UNC79: variants seen among roughly 807,000 people sequenced by gnomAD.
The protein encoded by UNC79 is protein unc-79 homolog.
In UNC79, 37 loss-of-function variants were observed where a neutral mutation model predicts 283.1. That is an observed-to-expected ratio of 0.13 (90% CI 0.10 to 0.17). UNC79 has a LOEUF of 0.17. Ranked by LOEUF, UNC79 falls within the 10% of genes least tolerant of loss-of-function variation. UNC79 has a pLI of 1.00. For missense variants in UNC79, 2,272 were observed against 3,211.1 expected, an observed-to-expected ratio of 0.71 and a Z score of 7.07; for synonymous variants, 1,107 against 1,200.2, an observed-to-expected ratio of 0.92 and a Z score of 1.61.
chr14:93,413,914 AT>A (rs2055394588), intron 1 of UNC79, among the ~76,000 whole-genome samples: 1 of 93,158 alleles, frequency 1.1e-5, no homozygotes, highest in Non-Finnish European at 2.4e-5. Context: ...TTCATTGTAG[AT>A]TCTGGATATT....
intron 16 of UNC79, 109 bp downstream of exon 16, chr14:93,572,925 A>G (rs184039037): frequency 0.01 from 14,528 of 1,416,974 alleles, 85 homozygotes; most frequent in Non-Finnish European, 0.011. Flanking sequence ...GTAAGTCCCC[A>G]TGTTTGCCAA....
intron 1 of UNC79, among the ~76,000 whole-genome samples, chr14:93,377,646 A>C (rs1007899021): frequency 6.6e-6 from 1 of 152,222 alleles, no homozygotes; most frequent in African/African-American, 2.4e-5. Flanking sequence ...CACATTTTGA[A>C]ATCCTATAAC....
chr14:93,484,250 A>C (rs1231955026), intron 4 of UNC79, among the ~76,000 whole-genome samples: 1 of 152,218 alleles, frequency 6.6e-6, no homozygotes, highest in Non-Finnish European at 1.5e-5. Context: ...CCCAGGACCT[A>C]GAACAATGTT....
rs367888563 is a variant in UNC79, at chr14:93,366,675, C to T, written c.-351+33152C>T. Among the ~76,000 whole-genome samples, 8 of 151,440 alleles carry T rather than the reference C, an allele frequency of 5.3e-5. No homozygotes were observed. In the East Asian group the frequency reaches 1.4e-3, roughly 26 times the overall value. ...GCAACCTCTGCCTCCGGGGTTCGAG[C>T]GATTCTTGTGCCTCAGCCTCCTGAG... On this transcript the variant is annotated intron_variant, in intron 1 of 49. Coordinates refer to the UNC79 transcript ENST00000256339.
intron 4 of UNC79, among the ~76,000 whole-genome samples, chr14:93,485,447 G>A (rs2058370140): frequency 6.6e-6 from 1 of 151,932 alleles, no homozygotes; most frequent in Non-Finnish European, 1.5e-5. Flanking sequence ...ATCACCTGAT[G>A]TGCTTATTAA....
chr14:93,549,491 G>A (rs555115009), intron 14 of UNC79, among the ~76,000 whole-genome samples: 26 of 152,228 alleles, frequency 1.7e-4, no homozygotes, highest in African/African-American at 5.8e-4. Flanking sequence ...CTGAAATCAC[G>A]TACACCTGAA....
chr14:93,369,872 G>A (rs1023236099), intron 1 of UNC79, among the ~76,000 whole-genome samples: 1 of 152,188 alleles, frequency 6.6e-6, no homozygotes, highest in Non-Finnish European at 1.5e-5. Flanking sequence ...ATTTAGCTGA[G>A]GGACAGGAAG....
chr14:93,335,733 TAAAC>T (rs565647296), intron 1 of UNC79, among the ~76,000 whole-genome samples: 95 of 152,314 alleles, frequency 6.2e-4, no homozygotes, highest in Middle Eastern at 3.4e-3. Flanking sequence ...AGGAAGACCA[TAAAC>T]AAAGAAACAA....
intron 1 of UNC79, among the ~76,000 whole-genome samples, chr14:93,418,352 A>T (rs986637036): frequency 6.6e-6 from 1 of 151,710 alleles, no homozygotes. Flanking sequence ...TGAACCGTGA[A>T]TGCTGCTGTC....
chr14:93,633,864 TG>T (rs2068260517), intron 31 of UNC79, among the ~76,000 whole-genome samples: 1 of 152,230 alleles, frequency 6.6e-6, no homozygotes, highest in Admixed American at 6.5e-5. Flanking sequence ...AATATACTCG[TG>T]GAATGTTGTT....
At chr14:93,495,384 C>T (rs1190608611) in intron 5 of UNC79, among the ~76,000 whole-genome samples, 1 of 152,162 alleles carries the variant, frequency 6.6e-6, no homozygotes, top group Non-Finnish European at 1.5e-5. Flanking sequence ...AACTCACTCA[C>T]TATCACGGGA....
intron 42 of UNC79, among the ~76,000 whole-genome samples, chr14:93,686,031 T>C (rs1258413788): frequency 1.3e-5 from 2 of 152,204 alleles, no homozygotes; most frequent in African/African-American, 4.8e-5. Flanking sequence ...TATAAGAAGT[T>C]AATTTGCAAG....
In UNC79 at chr14:93,690,020, A is replaced by G. The variant is rs2074565490; in HGVS notation, c.7086-97A>G. 7.3e-7 allele frequency: 1 copy of G among 1,370,806 alleles called. No individual in the cohort carries two copies. Among genetic ancestry groups the G allele is most frequent in the Non-Finnish European group, 1.0e-6 (1 of 995,914 alleles). The allele number at this position is 1,370,806 out of a possible 1,614,324, so 84.9% of individuals were successfully genotyped here. ...TTTGTTTTATGTGATTGCCTGCAAG[A>G]CCACACTTTCAATCCCTTCCTTCAA... On this transcript the variant is annotated intron_variant, in intron 44 of 48. Transcript: ENST00000555664. This position sits in a 1 kb window ranked among gnomAD's most constrained non-coding sequence, Gnocchi z 4.3.
chr14:93,558,060 G>C (rs182591080), intron 14 of UNC79, among the ~76,000 whole-genome samples: 2 of 152,260 alleles, frequency 1.3e-5, no homozygotes, highest in Admixed American at 1.3e-4. Context: ...TTTGGTTTTT[G>C]TTTCAGGGAC....
intron 1 of UNC79, among the ~76,000 whole-genome samples, chr14:93,455,168 A>T (rs558916694): frequency 3.2e-4 from 49 of 152,340 alleles, no homozygotes; most frequent in African/African-American, 1.2e-3. Flanking sequence ...TGGACTGTTC[A>T]GCCTCTCTAC....
intron 14 of UNC79, among the ~76,000 whole-genome samples, chr14:93,564,472 G>A (rs1466153767): frequency 6.6e-6 from 1 of 152,170 alleles, no homozygotes; most frequent in African/African-American, 2.4e-5. Flanking sequence ...GCTTTGGATG[G>A]GGATACCCGA....
intron 33 of UNC79, among the ~76,000 whole-genome samples, 197 bp downstream of exon 36, chr14:93,641,444 G>A (rs1218754516): frequency 2.6e-5 from 4 of 152,138 alleles, no homozygotes; most frequent in Admixed American, 1.3e-4. Context: ...CTTGAGCCCA[G>A]GAGTTTGAGA....
intron 1 of UNC79, among the ~76,000 whole-genome samples, chr14:93,377,191 G>A (rs1306140848): frequency 1.4e-5 from 2 of 145,634 alleles, no homozygotes; most frequent in Admixed American, 7.2e-5. Context: ...CCAGGTTCAC[G>A]CCATTCTCCT....
chr14:93,516,754 T>G (rs1295911426), intron 7 of UNC79, among the ~76,000 whole-genome samples: 2 of 152,052 alleles, frequency 1.3e-5, no homozygotes, highest in African/African-American at 4.8e-5. Context: ...GACCTCTGCT[T>G]GGATTTTTGA....
Sources: gnomAD v4.1 joint callset for allele counts (sites outside exome capture counted in the v4.1 genomes callset) on GRCh38, gnomAD v4.1.1 for gene constraint, Gnocchi (gnomAD v3.1) non-coding constraint, MANE v1.5 for transcripts, NCBI Gene and HGNC (gene_info 2026-07-23, HGNC 2026-07-21) for gene names.